PDE10A: variants seen among roughly 807,000 people sequenced by gnomAD.
PDE10A encodes cAMP and cAMP-inhibited cGMP 3',5'-cyclic phosphodiesterase 10A.
Under a neutral mutation model 97.7 loss-of-function variants are expected in PDE10A, and 39 were observed. The ratio of observed to expected loss-of-function variants is 0.40; its 90% confidence interval spans 0.31 to 0.52. The LOEUF (loss-of-function observed/expected upper bound fraction) is 0.52. Ranked by LOEUF, PDE10A falls within the 20% of genes least tolerant of loss-of-function variation. PDE10A has a pLI of 0.56. For synonymous variants in PDE10A, 371 were observed against 376.8 expected (o/e 0.98, Z 0.18); for missense variants, 731 against 1,047.8 (o/e 0.70, Z 4.17).
intron 1 of PDE10A, among the ~76,000 whole-genome samples, chr6:165,865,751 A>AT (rs1177001820): frequency 3.8e-5 from 3 of 79,232 alleles, no homozygotes; most frequent in African/African-American, 9.5e-5. Flanking sequence ...AAAAAAAGGG[A>AT]TAAAAAAAAG....
chr6:165,784,149 C>T (rs996840023), intron 1 of PDE10A, among the ~76,000 whole-genome samples: 20 of 150,526 alleles, frequency 1.3e-4, no homozygotes, highest in African/African-American at 4.9e-5. Flanking sequence ...ACCTGGGAGG[C>T]GGGGAGGTTG....
chr6:165,737,676 A>G (rs910429677), intron 1 of PDE10A, among the ~76,000 whole-genome samples: 2 of 152,250 alleles, frequency 1.3e-5, no homozygotes, highest in Non-Finnish European at 2.9e-5. Context: ...CCTCAACAAA[A>G]TAAACCCACA....
chr6:165,414,062 G>A (rs557627449), intron 12 of PDE10A, among the ~76,000 whole-genome samples: 15 of 152,214 alleles, frequency 9.9e-5, no homozygotes, highest in African/African-American at 3.1e-4. Context: ...GAAGTTGATC[G>A]TGTTTATGAG....
At chr6:165,826,957 G>A (rs1288911045) in intron 1 of PDE10A, among the ~76,000 whole-genome samples, 2 of 151,998 alleles carry the variant, frequency 1.3e-5, no homozygotes, top group Admixed American at 1.3e-4. Flanking sequence ...GGTAGGAAGT[G>A]GGGACAGAGG....
chr6:165,467,891 T>C (rs1427021144), intron 3 of PDE10A, among the ~76,000 whole-genome samples: 1 of 152,232 alleles, frequency 6.6e-6, no homozygotes, highest in African/African-American at 2.4e-5. Context: ...AGTCGGCTGA[T>C]GTGGCAAACT....
chr6:165,710,548 T>C (rs1388519411), intron 1 of PDE10A, among the ~76,000 whole-genome samples: 1 of 152,208 alleles, frequency 6.6e-6, no homozygotes, highest in Non-Finnish European at 1.5e-5. Flanking sequence ...AGAAAAGCAC[T>C]TTTCGTTTTG....
At chr6:165,941,536 C>T (rs900346958) in intron 1 of PDE10A, among the ~76,000 whole-genome samples, 4 of 152,122 alleles carry the variant, frequency 2.6e-5, no homozygotes, top group East Asian at 1.9e-4. Flanking sequence ...TGGGGGATGT[C>T]GGGATCATGG....
chr6:165,593,725 T>G (rs1382348216), intron 1 of PDE10A, among the ~76,000 whole-genome samples: 1 of 152,244 alleles, frequency 6.6e-6, no homozygotes, highest in East Asian at 1.9e-4. Flanking sequence ...TATTTTTAAA[T>G]GATGATGTTC....
chr6:165,781,210 C>A (rs61459696), intron 1 of PDE10A: 1 of 152,154 alleles, frequency 6.6e-6, no homozygotes, highest in African/African-American at 2.4e-5. Flanking sequence ...ACCACAAAAG[C>A]CCTTGCCTTG....
intron 1 of PDE10A, among the ~76,000 whole-genome samples, chr6:165,656,040 G>A (rs763692132): frequency 1.8e-4 from 27 of 151,960 alleles, no homozygotes; most frequent in Non-Finnish European, 2.6e-4. Flanking sequence ...GTGTGCATTC[G>A]CTGTGCAGCT....
chr6:165,898,596 G>C lies in PDE10A; in HGVS notation c.-615+88933C>G, dbSNP rs375397526. ...CACCCCTCAGCCTTGTGCCACAGCT[G>C]TCCCTTACATCCTGGGAATCCCATA... On this transcript the variant is annotated intron_variant, in intron 1 of 19. Transcript: ENST00000366882. Among the ~76,000 whole-genome samples the C allele has an allele frequency of 3.9e-5, 6 of 152,224 alleles. No individual in the cohort carries two copies. The South Asian group carries it at 1.2e-3, about 32-fold the overall frequency.
intron 1 of PDE10A, among the ~76,000 whole-genome samples, chr6:165,902,225 C>T (rs189294196): frequency 2.0e-5 from 3 of 152,368 alleles, no homozygotes; most frequent in Admixed American, 6.5e-5. Flanking sequence ...ACTGACTGCA[C>T]GTCCACTCCT....
At chr6:165,760,437 T>G (rs947762115) in intron 1 of PDE10A, among the ~76,000 whole-genome samples, 1 of 152,202 alleles carries the variant, frequency 6.6e-6, no homozygotes, top group African/African-American at 2.4e-5. Flanking sequence ...AAAATCAAGG[T>G]CTGACCAAGC....
intron 18 of PDE10A, among the ~76,000 whole-genome samples, chr6:165,359,759 C>T (rs1783266179): frequency 6.6e-6 from 1 of 152,036 alleles, no homozygotes; most frequent in Non-Finnish European, 1.5e-5. Context: ...ATAGTAAATA[C>T]TTCAATTTTG....
chr6:165,949,338 G>T (rs1313584342), intron 1 of PDE10A: 1 of 152,238 alleles, frequency 6.6e-6, no homozygotes, highest in Non-Finnish European at 1.5e-5. Context: ...CTTAGTGCAC[G>T]GGCTGGAGGA....
intron 1 of PDE10A, among the ~76,000 whole-genome samples, chr6:165,848,721 A>G (rs1780491555): frequency 6.6e-6 from 1 of 152,184 alleles, no homozygotes; most frequent in Admixed American, 6.5e-5. Context: ...TTCCAGAACC[A>G]TGAAGATGTC....
At chr6:165,427,254 C>A (rs151304190) in intron 10 of PDE10A, among the ~76,000 whole-genome samples, 3 of 151,992 alleles carry the variant, frequency 2.0e-5, no homozygotes, top group East Asian at 3.9e-4. Flanking sequence ...AAATCTGGTA[C>A]GTATATCCAC....
At chr6:165,455,906 C>G (rs1219287001) in intron 3 of PDE10A, among the ~76,000 whole-genome samples, 1 of 152,150 alleles carries the variant, frequency 6.6e-6, no homozygotes, top group Non-Finnish European at 1.5e-5. Flanking sequence ...CTTGTTCTTA[C>G]CCAAGTACCT....
chr6:165,521,472 T>C (rs1035142952), intron 2 of PDE10A, among the ~76,000 whole-genome samples: 2 of 152,178 alleles, frequency 1.3e-5, no homozygotes, highest in African/African-American at 2.4e-5. Flanking sequence ...TTGCACTAGT[T>C]AGCCACGTTG....
Sources: allele counts gnomAD v4.1 joint callset (sites outside exome capture counted in the v4.1 genomes callset), GRCh38; gene constraint gnomAD v4.1.1; transcripts MANE v1.5; gene names NCBI Gene and HGNC (gene_info 2026-07-23, HGNC 2026-07-21).